PCDHB1: variants seen among roughly 807,000 people sequenced by gnomAD.
The protein encoded by PCDHB1 is protocadherin beta-1.
A neutral mutation model predicts 43.5 loss-of-function variants in PCDHB1; 44 were observed. The observed-to-expected ratio is 1.01, with a 90% CI of 0.79 to 1.30. The LOEUF is 1.30. Ranked by LOEUF, PCDHB1 falls within the 50% of genes most tolerant of loss-of-function variation. PCDHB1 has a pLI of 0.00. For missense variants in PCDHB1, 919 were observed against 1,008.9 expected (o/e 0.91, Z 1.21); for synonymous variants, 392 against 400.8 (o/e 0.98, Z 0.26).
At position 141,058,840 on chromosome 5, in the gene PCDHB1, T is replaced by C. The variant is rs1751183368; in HGVS notation, c.*4913T>C. 3 of 152,164 alleles carry C rather than the reference T, an allele frequency of 2.0e-5. No individual in the cohort carries two copies. The highest frequency in any genetic ancestry group is 4.4e-5 in the Non-Finnish European group (3 of 68,002). The allele number at this position is 152,164 out of a possible 1,614,324, so 9.4% of individuals were successfully genotyped here. A position where few individuals can be genotyped will look rare whatever the true frequency, so the allele number is the denominator to read the frequency against. ...TCTTCTGGAAGGAAAACTTGTTACTTTCCCCCCCACTTATTTAGTTAGTTA... is the reference window on the plus strand; with the variant it reads ...TCTTCTGGAAGGAAAACTTGTTACTCTCCCCCCCACTTATTTAGTTAGTTA... On this transcript the variant is annotated 3_prime_UTR_variant, in exon 1 of 1. Transcript: ENST00000306549.
In PCDHB1 at chr5:141,054,414, T is replaced by G. The variant is rs1751078221; in HGVS notation, c.*487T>G. On this transcript the variant is annotated 3_prime_UTR_variant, in exon 1 of 1. Coordinates refer to ENST00000306549, the MANE Select transcript of PCDHB1 (RefSeq NM_013340.4). ...TTGATATATTGGGAAGTGATTAGGTTTGACAAGCAGAGATATAGTTTATTA... is the reference window on the plus strand; with the variant it reads ...TTGATATATTGGGAAGTGATTAGGTGTGACAAGCAGAGATATAGTTTATTA... The G allele has an allele frequency of 6.5e-6, 1 of 154,636 alleles. No individual in the cohort carries two copies. The highest frequency in any genetic ancestry group is 2.4e-5 in the African/African-American group (1 of 41,458). 9.6% of individuals were successfully genotyped at this position (154,636 alleles called of 1,614,324 possible).
chr5:141,053,150 A>G lies in PCDHB1; in HGVS notation c.1680A>G (p.Pro560=), dbSNP rs782598854. 6.2e-7 allele frequency: 1 copy of G among 1,614,218 alleles called. No individual in the cohort carries two copies. The highest frequency in any genetic ancestry group is 8.5e-7 in the Non-Finnish European group (1 of 1,180,034). ...VVVLDDNDNR[P]MILYPLQNGT... is the part of the protein sequence containing the mutation. ...TCCTAGATGACAATGACAATCGTCC[A>G]ATGATCTTATACCCACTGCAGAACG... The change falls in exon 1 of 1, where the codon CCA becomes CCG. Residue 560 remains proline (P), a synonymous_variant. Coordinates refer to ENST00000306549, the MANE Select transcript of PCDHB1 (RefSeq NM_013340.4).
chr5:141,057,158 G>C lies in PCDHB1; in HGVS notation c.*3231G>C, dbSNP rs1005252813. The C allele has an allele frequency of 6.6e-6, 1 of 152,118 alleles. No individual in the cohort carries two copies. The highest frequency in any genetic ancestry group is 1.5e-5 in the Non-Finnish European group (1 of 68,014). 9.4% of individuals were successfully genotyped at this position (152,118 alleles called of 1,614,324 possible). A position where few individuals can be genotyped will look rare whatever the true frequency, so the allele number is the denominator to read the frequency against. On this transcript the variant is annotated 3_prime_UTR_variant, in exon 1 of 1. Transcript: ENST00000306549. ...CACAATGGACAGAAGATGTAGATTT[G>C]TCAACTTTTTATTTTTTCACATTAA...
Position 141,053,653 on chromosome 5 carries a change from A to G in PCDHB1, c.2183A>G (p.Glu728Gly). The change falls in exon 1 of 1, where the codon GAG becomes GGG. Residue 728 changes from glutamate (E) to glycine (G), a missense_variant. Glu to Gly is a moderately conservative substitution (Grantham distance 98, BLOSUM62 -2). Transcript: ENST00000306549. ...IKYREKFTIQ[E>G]HFYDDCNFSN... ...TATAGAGAAAAGTTCACAATTCAAG[A>G]GCATTTCTATGATGACTGTAATTTC... The G allele has an allele frequency of 6.2e-7, 1 of 1,614,194 alleles. No homozygotes were observed. Among genetic ancestry groups the G allele is most frequent in the Non-Finnish European group, 8.5e-7 (1 of 1,180,014 alleles).
rs1223974586 is a variant in PCDHB1 at position 141,056,948 on chromosome 5, A to G, written c.*3021A>G. ...TTTTATGGGTAAGCAATAATTAGTT[A>G]ATAAAACATGCTTAAGTAAAAGCTA... On this transcript the variant is annotated 3_prime_UTR_variant, in exon 1 of 1. Transcript: ENST00000306549. The G allele has an allele frequency of 6.6e-6, 1 of 152,220 alleles. No individual in the cohort carries two copies. The highest frequency in any genetic ancestry group is 1.5e-5 in the Non-Finnish European group (1 of 68,036). The allele number at this position is 152,220 out of a possible 1,614,324, so 9.4% of individuals were successfully genotyped here.
Position 141,053,903 on chromosome 5 carries a change from C to T in PCDHB1, c.2433C>T (p.Asp811=), listed in dbSNP as rs141616383. 65 of 1,613,860 alleles carry T rather than the reference C, an allele frequency of 4.0e-5. No homozygotes were observed. The African/African-American group carries it at 6.9e-4, about 17-fold the overall frequency. The change falls in exon 1 of 1, where the codon GAC becomes GAT. Residue 811 remains aspartate (D), a synonymous_variant. Coordinates refer to ENST00000306549, the MANE Select transcript of PCDHB1 (RefSeq NM_013340.4). ...AGTCTCAGAGATTAGAGGGCCATGA[C>T]CAGGTATCTGATGACTATATGTAGC... ...RNKSQRLEGH[D]QVSDDYM
rs987375614 is a variant in PCDHB1, at chr5:141,054,119, C to G, written c.*192C>G. ...CTCAATACAAAGCAGTTATCCTGAT[C>G]CCCAGATCATATATCTATAACCCTT... On this transcript the variant is annotated 3_prime_UTR_variant, in exon 1 of 1. Coordinates refer to ENST00000306549, the MANE Select transcript of PCDHB1 (RefSeq NM_013340.4). 6 of 554,644 alleles carry G rather than the reference C, an allele frequency of 1.1e-5. No homozygotes were observed. The highest frequency in any genetic ancestry group is 6.1e-5 in the Admixed American group (2 of 32,622). The allele number at this position is 554,644 out of a possible 1,614,324, so 34.4% of individuals were successfully genotyped here. A position where few individuals can be genotyped will look rare whatever the true frequency, so the allele number is the denominator to read the frequency against.
rs1751116472 is a variant in PCDHB1 at position 141,055,580 on chromosome 5, G to T, written c.*1653G>T. ...TTGTAGAGCAAATATAAAATAAAAA[G>T]ACATTAAAATTAAAAAGTTCATTAA... On this transcript the variant is annotated 3_prime_UTR_variant, in exon 1 of 1. Transcript: ENST00000306549. 6.6e-6 allele frequency: 1 copy of T among 152,096 alleles called. No individual in the cohort carries two copies. The highest frequency in any genetic ancestry group is 1.5e-5 in the Non-Finnish European group (1 of 67,988). The allele number at this position is 152,096 out of a possible 1,614,324, so 9.4% of individuals were successfully genotyped here. A position where few individuals can be genotyped will look rare whatever the true frequency, so the allele number is the denominator to read the frequency against.
At position 141,052,219 on chromosome 5, in the gene PCDHB1, A is replaced by C; in HGVS notation, c.749A>C (p.Gln250Pro). Residue 250 changes from glutamine (Q) to proline (P), a missense_variant, in exon 1 of 1, where the codon CAG becomes CCG. By Grantham distance (76) the Gln-to-Pro change is moderately conservative. Coordinates refer to ENST00000306549, the MANE Select transcript of PCDHB1 (RefSeq NM_013340.4). ...PQFSRLVYRA[Q>P]VSENSPNGSL... The stretch of plus-strand genomic sequence containing the variant: ...TTCTCGCGACTGGTGTACAGAGCCC[A>C]GGTATCAGAGAACAGCCCCAATGGC... 6.2e-7 allele frequency: 1 copy of C among 1,614,200 alleles called. No individual in the cohort carries two copies. Among genetic ancestry groups the C allele is most frequent in the Non-Finnish European group, 8.5e-7 (1 of 1,180,028 alleles).
chr5:141,051,447 CAG>C lies in PCDHB1; in HGVS notation c.-19_-18del, dbSNP rs782455501. 6.8e-6 allele frequency: 11 copies of C among 1,610,074 alleles called. No individual in the cohort carries two copies. The highest frequency in any genetic ancestry group is 9.3e-6 in the Non-Finnish European group (11 of 1,176,742). On this transcript the variant is annotated 5_prime_UTR_variant, in exon 1 of 1. Transcript: ENST00000306549. ...TATCCGCAACAGTTGGCTCTGATTG[CAG>C]AGAGCGCGCTTGTGAGAACTGATGG...
At position 141,053,230 on chromosome 5, in the gene PCDHB1, T is replaced by C. The variant is rs1321436923; in HGVS notation, c.1760T>C (p.Val587Ala). The stretch of plus-strand genomic sequence containing the variant: ...AGGTCTGCAGAGGCAGGCTACCTAG[T>C]GACCAAAGTGGTGGCTGTGGATGGT... ...VPRSAEAGYL[V>A]TKVVAVDGDS... Residue 587 changes from valine to alanine, a missense_variant, in exon 1 of 1, where the codon GTG becomes GCG. By Grantham distance (64) the Val-to-Ala change is moderately conservative. Coordinates refer to ENST00000306549, the MANE Select transcript of PCDHB1 (RefSeq NM_013340.4). 2 of 1,614,230 alleles carry C rather than the reference T, an allele frequency of 1.2e-6. No homozygotes were observed. The highest frequency in any genetic ancestry group is 1.3e-5 in the African/African-American group (1 of 75,056).
Position 141,052,079 on chromosome 5 carries a change from G to A in PCDHB1, c.609G>A (p.Glu203=). Residue 203 remains glutamate (E), a synonymous_variant, in exon 1 of 1, where the codon GAG becomes GAA. Coordinates refer to ENST00000306549, the MANE Select transcript of PCDHB1 (RefSeq NM_013340.4). ...TGCTGAACAAACCCCTGGACCGAGAGGAGCAGCCTGAAGTCAACTTGACAA... is the reference window on the plus strand; with the variant it reads ...TGCTGAACAAACCCCTGGACCGAGAAGAGCAGCCTGAAGTCAACTTGACAA... ...ELVLNKPLDR[E]EQPEVNLTIT... The A allele has an allele frequency of 6.2e-7, 1 of 1,614,100 alleles. No individual in the cohort carries two copies. Among genetic ancestry groups the A allele is most frequent in the Admixed American group, 1.7e-5 (1 of 60,026 alleles).
chr5:141,051,978 T>C lies in PCDHB1; in HGVS notation c.508T>C (p.Tyr170His), dbSNP rs2154005410. The change falls in exon 1 of 1, where the codon TAC (tyrosine) becomes CAC (histidine). Residue 170 changes from tyrosine to histidine, a missense_variant. Transcript: ENST00000306549. The stretch of plus-strand genomic sequence containing the variant: ...CGTGGGCCTTAACGGTCTCCAGAAC[T>C]ACACCCTGAGTGCCAATGGGTATTT... Reference protein sequence around the residue: ...LDVGLNGLQNYTLSANGYFHL... With the variant: ...LDVGLNGLQNHTLSANGYFHL... 6.2e-7 allele frequency: 1 copy of C among 1,613,884 alleles called. No homozygotes were observed. Among genetic ancestry groups the C allele is most frequent in the Non-Finnish European group, 8.5e-7 (1 of 1,180,042 alleles).
chr5:141,052,418 C>A lies in PCDHB1; in HGVS notation c.948C>A (p.Asp316Glu). The change falls in exon 1 of 1, where the codon GAC (aspartate) becomes GAA (glutamate). Residue 316 changes from aspartate (D) to glutamate (E), a missense_variant. Asp to Glu is a conservative substitution (Grantham distance 45). Coordinates refer to ENST00000306549, the MANE Select transcript of PCDHB1 (RefSeq NM_013340.4). The stretch of plus-strand genomic sequence containing the variant: ...ATTTTGAAGCCATTGAAACATACGA[C>A]ATTGACATTCAAGCTACAGATGGTG... ...PLDFEAIETY[D>E]IDIQATDGGG... is the part of the protein sequence containing the mutation. 1 of 1,614,218 alleles carries A rather than the reference C, an allele frequency of 6.2e-7. No individual in the cohort carries two copies. Among genetic ancestry groups the A allele is most frequent in the East Asian group, 2.2e-5 (1 of 44,894 alleles).
In PCDHB1 at chr5:141,053,807, T is replaced by A. The variant is rs1588284937; in HGVS notation, c.2337T>A (p.Pro779=). The A allele has an allele frequency of 6.2e-7, 1 of 1,614,156 alleles. No individual in the cohort carries two copies. Among genetic ancestry groups the A allele is most frequent in the East Asian group, 2.2e-5 (1 of 44,874 alleles). Residue 779 remains proline, a synonymous_variant, in exon 1 of 1, where the codon CCT becomes CCA. Transcript: ENST00000306549. ...RFLKRFMPNF[P]FPHATGEIKM... ...TTAAGCGTTTTATGCCCAACTTCCCTTTCCCTCATGCCACTGGGGAGATAA... is the reference window on the plus strand; with the variant it reads ...TTAAGCGTTTTATGCCCAACTTCCCATTCCCTCATGCCACTGGGGAGATAA...
In PCDHB1 at chr5:141,058,176, T is replaced by C. The variant is rs1282695067; in HGVS notation, c.*4249T>C. ...AGATCTTATTCAAATTTAACAGTTTTCCCCCAATGTCCTTTTTCTATTCAA... is the reference window on the plus strand; with the variant it reads ...AGATCTTATTCAAATTTAACAGTTTCCCCCCAATGTCCTTTTTCTATTCAA... On this transcript the variant is annotated 3_prime_UTR_variant, in exon 1 of 1. Coordinates refer to ENST00000306549, the MANE Select transcript of PCDHB1 (RefSeq NM_013340.4). The C allele has an allele frequency of 6.6e-6, 1 of 152,208 alleles. No homozygotes were observed. The highest frequency in any genetic ancestry group is 2.4e-5 in the African/African-American group (1 of 41,458). 9.4% of individuals were successfully genotyped at this position (152,208 alleles called of 1,614,324 possible). A position where few individuals can be genotyped will look rare whatever the true frequency, so the allele number is the denominator to read the frequency against.
chr5:141,053,942 C>T lies in PCDHB1; in HGVS notation c.*15C>T. ...ACTATATGTAGCTCCTATTTACAGG[C>T]TCAGTGAGAGAAGAGAAGCAAAATT... is the stretch of plus-strand genomic sequence containing the variant. On this transcript the variant is annotated 3_prime_UTR_variant, in exon 1 of 1. Coordinates refer to ENST00000306549, the MANE Select transcript of PCDHB1 (RefSeq NM_013340.4). 6.3e-7 allele frequency: 1 copy of T among 1,582,014 alleles called. No homozygotes were observed. The highest frequency in any genetic ancestry group is 8.6e-7 in the Non-Finnish European group (1 of 1,164,494).
Position 141,052,460 on chromosome 5 carries a change from C to G in PCDHB1, c.990C>G (p.His330Gln). ...QATDGGGLSA[H>Q]SKVLVEVVDV... ...CAGATGGTGGAGGCCTCTCTGCCCA[C>G]AGCAAAGTCCTGGTAGAAGTGGTGG... The change falls in exon 1 of 1, where the codon CAC becomes CAG. Residue 330 changes from histidine (H) to glutamine (Q), a missense_variant. Coordinates refer to ENST00000306549, the MANE Select transcript of PCDHB1 (RefSeq NM_013340.4). The G allele has an allele frequency of 1.2e-5, 19 of 1,614,202 alleles. No individual in the cohort carries two copies. Among genetic ancestry groups the G allele is most frequent in the Non-Finnish European group, 1.6e-5 (19 of 1,180,044 alleles).
At position 141,053,461 on chromosome 5, in the gene PCDHB1, T is replaced by C; in HGVS notation, c.1991T>C (p.Val664Ala). The change falls in exon 1 of 1, where the codon GTA (valine) becomes GCA (alanine). Residue 664 changes from valine to alanine, a missense_variant. Physicochemically the swap from Val to Ala is moderately conservative, Grantham distance 64 (BLOSUM62 0). Transcript: ENST00000306549. ...ACTGTCTCACTCAACATCCTGCTGG[T>C]AGATGGCTTTTCAGAGCCCTACCTG... ...STTVSLNILLVDGFSEPYLQF... is the reference protein window; with the variant it reads ...STTVSLNILLADGFSEPYLQF... The C allele has an allele frequency of 6.2e-7, 1 of 1,614,184 alleles. No individual in the cohort carries two copies. The highest frequency in any genetic ancestry group is 8.5e-7 in the Non-Finnish European group (1 of 1,180,018).
Sources: allele counts gnomAD v4.1 joint callset, GRCh38; gene constraint gnomAD v4.1.1; transcripts MANE v1.5; gene names NCBI Gene and HGNC (gene_info 2026-07-23, HGNC 2026-07-21).